The following NELL1 variants were observed in gnomAD, a reference collection of about 807,000 sequenced individuals.
NELL1 encodes neural EGFL like 1, also known as protein kinase C-binding protein NELL1.
In NELL1, 76 loss-of-function variants were observed where a neutral mutation model predicts 107.4. The ratio of observed to expected loss-of-function variants is 0.71; its 90% CI spans 0.59 to 0.86. The LOEUF (loss-of-function observed/expected upper bound fraction) is 0.86. Ranked by LOEUF, NELL1 falls within the 40% of genes least tolerant of loss-of-function variation. The pLI is 0.00. For missense variants in NELL1, 1,024 were observed against 1,005.5 expected (o/e 1.02, Z -0.25); for synonymous variants, 353 against 341.2 (o/e 1.03, Z -0.38).
intron 15 of NELL1, among the ~76,000 whole-genome samples, chr11:21,456,556 T>G (rs928747046): frequency 6.6e-6 from 1 of 152,154 alleles, no homozygotes; most frequent in South Asian, 2.1e-4. Flanking sequence ...TTGGATGGAA[T>G]GGAAATATTT....
chr11:21,435,899 T>C (rs1220388294), intron 15 of NELL1, among the ~76,000 whole-genome samples: 1 of 152,124 alleles, frequency 6.6e-6, no homozygotes, highest in African/African-American at 2.4e-5. Flanking sequence ...ATCTTTAGAA[T>C]AGTATAAGAA....
intron 10 of NELL1, among the ~76,000 whole-genome samples, chr11:20,945,995 T>C (rs1850954330): frequency 6.6e-6 from 1 of 152,196 alleles, no homozygotes; most frequent in Non-Finnish European, 1.5e-5. Flanking sequence ...GGCTGGCCTG[T>C]CTGGACTGGA....
chr11:20,962,556 C>T (rs974756140), intron 12 of NELL1, among the ~76,000 whole-genome samples: 3 of 152,066 alleles, frequency 2.0e-5, no homozygotes, highest in Non-Finnish European at 4.4e-5. Context: ...GACAAAACTG[C>T]TGGTGCTAAT....
intron 14 of NELL1, among the ~76,000 whole-genome samples, chr11:21,234,912 AAGGGAG>A (rs1175555168): frequency 6.6e-6 from 1 of 152,306 alleles, no homozygotes; most frequent in African/African-American, 2.4e-5. Context: ...ATATGAGAGA[AAGGGAG>A]AGGGAGAGGG....
chr11:21,086,538 A>G (rs895803132), intron 12 of NELL1, among the ~76,000 whole-genome samples: 1 of 152,182 alleles, frequency 6.6e-6, no homozygotes, highest in Non-Finnish European at 1.5e-5. Flanking sequence ...CACCAGCAAC[A>G]ATCACCTATT....
At chr11:20,936,892 C>A (rs199549812) in intron 9 of NELL1, among the ~76,000 whole-genome samples, 1 of 152,166 alleles carries the variant, frequency 6.6e-6, no homozygotes, top group African/African-American at 2.4e-5. Flanking sequence ...ATAAGACCAA[C>A]ACCGAATTAG....
At chr11:21,079,476 A>G (rs1360653905) in intron 12 of NELL1, among the ~76,000 whole-genome samples, 2 of 152,106 alleles carry the variant, frequency 1.3e-5, no homozygotes, top group Admixed American at 6.6e-5. Context: ...CAACAATGAT[A>G]GTAGAAAACA....
At chr11:21,247,167 G>A (rs1194954793) in intron 14 of NELL1, among the ~76,000 whole-genome samples, 1 of 152,204 alleles carries the variant, frequency 6.6e-6, no homozygotes, top group Non-Finnish European at 1.5e-5. Flanking sequence ...TTGAGTGAAT[G>A]TGAAGGCCTA....
intron 14 of NELL1, among the ~76,000 whole-genome samples, chr11:21,302,458 A>G (rs1376186058): frequency 6.6e-6 from 1 of 152,082 alleles, no homozygotes; most frequent in Non-Finnish European, 1.5e-5. Context: ...ACATTTGATG[A>G]TGTTATTACC....
At chr11:20,732,383 G>C (rs12362893) in intron 2 of NELL1, among the ~76,000 whole-genome samples, 18,221 of 152,054 alleles carry the variant, frequency 0.12, 1,201 homozygotes, top group Non-Finnish European at 0.15. Context: ...ATGGATTTTT[G>C]TCCTTTTGTT....
intron 15 of NELL1, among the ~76,000 whole-genome samples, chr11:21,374,729 C>A (rs998138729): frequency 1.3e-5 from 2 of 152,048 alleles, no homozygotes; most frequent in African/African-American, 2.4e-5. Context: ...CTTTTCCATA[C>A]CTCTCAAACT....
intron 14 of NELL1, among the ~76,000 whole-genome samples, chr11:21,317,105 A>G (rs1849895781): frequency 6.6e-6 from 1 of 152,222 alleles, no homozygotes; most frequent in East Asian, 1.9e-4. Flanking sequence ...AATAATTAAC[A>G]CATATATAGT....
intron 4 of NELL1, among the ~76,000 whole-genome samples, chr11:20,873,819 A>G (rs977712606): frequency 6.9e-6 from 1 of 145,164 alleles, no homozygotes; most frequent in Non-Finnish European, 1.5e-5. Context: ...CAGGCAGTCC[A>G]TCGGTGCAGT....
At position 21,380,282 on chromosome 11, in the gene NELL1, C is replaced by T. The variant is rs528483093; in HGVS notation, c.1645+9334C>T. On this transcript the variant is annotated intron_variant, in intron 15 of 19. Coordinates refer to ENST00000357134, the MANE Select transcript of NELL1 (RefSeq NM_006157.5). ...GAGGATTTGAGGTTTCTCTGCATTG[C>T]CCATTTAGTTAAACCCACTAGTAAA... Among the ~76,000 whole-genome samples the T allele has an allele frequency of 3.2e-4, 49 of 152,104 alleles. No homozygotes were observed. The Middle Eastern group carries it at 0.01, about 32-fold the overall frequency.
intron 15 of NELL1, among the ~76,000 whole-genome samples, chr11:21,526,592 C>A (rs1261192514): frequency 6.6e-6 from 1 of 152,196 alleles, no homozygotes; most frequent in Non-Finnish European, 1.5e-5. Context: ...CAAATTTCTA[C>A]CTGGACATCC....
intron 14 of NELL1, among the ~76,000 whole-genome samples, chr11:21,330,906 C>A (rs974207739): frequency 7.9e-5 from 12 of 151,904 alleles, no homozygotes; most frequent in African/African-American, 2.7e-4. Flanking sequence ...TAAAATTTTT[C>A]TTCATTGCTT....
intron 15 of NELL1, among the ~76,000 whole-genome samples, chr11:21,372,143 G>A (rs1489601871): frequency 6.6e-6 from 1 of 151,924 alleles, no homozygotes; most frequent in Non-Finnish European, 1.5e-5. Flanking sequence ...AAAGAACCAT[G>A]TACTACCTTT....
intron 4 of NELL1, among the ~76,000 whole-genome samples, chr11:20,869,259 A>G (rs1356083219): frequency 6.6e-6 from 1 of 152,178 alleles, no homozygotes; most frequent in African/African-American, 2.4e-5. Flanking sequence ...AGCATTGTTT[A>G]TGATATCTAT....
At chr11:21,476,700 G>A (rs1381110229) in intron 15 of NELL1, among the ~76,000 whole-genome samples, 1 of 152,146 alleles carries the variant, frequency 6.6e-6, no homozygotes, top group Non-Finnish European at 1.5e-5. Flanking sequence ...GAGGAAGAGT[G>A]TAGGAAAGAC....
Sources: allele counts gnomAD v4.1 joint callset (sites outside exome capture counted in the v4.1 genomes callset), GRCh38; gene constraint gnomAD v4.1.1; transcripts MANE v1.5; gene names NCBI Gene and HGNC (gene_info 2026-07-23, HGNC 2026-07-21).